ZC3H8: variants seen among roughly 807,000 people sequenced by gnomAD.
ZC3H8 encodes the protein zinc finger CCCH domain-containing protein 8.
ZC3H8 carries 27 observed loss-of-function variants against 42.5 expected under a neutral mutation model. The ratio of observed to expected loss-of-function variants is 0.64; its 90% confidence interval spans 0.47 to 0.88. ZC3H8 has a LOEUF of 0.88. Ranked by LOEUF, ZC3H8 falls within the 40% of genes least tolerant of loss-of-function variation. The probability of loss-of-function intolerance (pLI) is 0.00; values close to 1 mark genes in which losing one functional copy is unlikely to be tolerated. For missense variants in ZC3H8, 277 were observed against 336.1 expected (o/e 0.82, Z 1.37); for synonymous variants, 101 against 110.1 (o/e 0.92, Z 0.52).
chr2:112,247,790 T>C (rs1049521478), intron 2 of ZC3H8, among the ~76,000 whole-genome samples: 3 of 152,162 alleles, frequency 2.0e-5, no homozygotes, highest in Non-Finnish European at 4.4e-5. Flanking sequence ...GGTTATAATA[T>C]ATAATACGAA....
At position 112,239,332 on chromosome 2, in the gene ZC3H8, T is replaced by A. The variant is rs192500938; in HGVS notation, c.157-804A>T. ...CATTATAATTAGTATGTATGACACA[T>A]TTTAATCAGAAAGTTTATTTTTAAA... On this transcript the variant is annotated intron_variant, in intron 2 of 8. Transcript: ENST00000409573. Among the ~76,000 whole-genome samples the A allele has an allele frequency of 2.0e-5, 3 of 152,316 alleles. No individual in the cohort carries two copies. In the East Asian group the frequency reaches 5.8e-4, roughly 29 times the overall value.
chr2:112,232,116 C>T (rs531909757), intron 6 of ZC3H8, among the ~76,000 whole-genome samples, 169 bp from the exon 7 acceptor site: 24 of 152,040 alleles, frequency 1.6e-4, no homozygotes, highest in Non-Finnish European at 2.6e-4. Flanking sequence ...TCAAGACCAA[C>T]CTAGCCAACA....
rs930590061 is a variant in ZC3H8 at position 112,216,433 on chromosome 2, T to G, written c.*51A>C. ...AGTCTTGAACAGTCTTGAACACGCA[T>G]GGGCGTTAAAGTACTCTTTATCTGT... On this transcript the variant is annotated 3_prime_UTR_variant, in exon 9 of 9. Transcript: ENST00000409573. The G allele has an allele frequency of 2.0e-5, 3 of 152,244 alleles. No homozygotes were observed. The highest frequency in any genetic ancestry group is 4.8e-5 in the African/African-American group (2 of 41,462). The allele number at this position is 152,244 out of a possible 1,614,324, so 9.4% of individuals were successfully genotyped here. A position where few individuals can be genotyped will look rare whatever the true frequency, so the allele number is the denominator to read the frequency against.
chr2:112,230,655 G>A (rs894395332), intron 8 of ZC3H8: 5 of 197,636 alleles, frequency 2.5e-5, no homozygotes, highest in Non-Finnish European at 5.1e-5. Context: ...TGAATTATAC[G>A]TATTTGGTAA....
At position 112,254,897 on chromosome 2, in the gene ZC3H8, T is replaced by G; in HGVS notation, c.74+11A>C. 1.2e-6 allele frequency: 2 copies of G among 1,613,044 alleles called. No homozygotes were observed. The highest frequency in any genetic ancestry group is 2.2e-5 in the East Asian group (1 of 44,866). On this transcript the variant is annotated intron_variant, in intron 1 of 8. Coordinates refer to ENST00000409573, the MANE Select transcript of ZC3H8 (RefSeq NM_032494.3). Reference sequence around the variant, plus strand: ...CCCCTGCATTCAAAAGATGAAAAGATATGGGATCACCTTTCGTCAGAGTCC... The same window carrying G: ...CCCCTGCATTCAAAAGATGAAAAGAGATGGGATCACCTTTCGTCAGAGTCC...
chr2:112,244,555 C>CA (rs1347476162), intron 2 of ZC3H8, among the ~76,000 whole-genome samples: 1 of 152,180 alleles, frequency 6.6e-6, no homozygotes, highest in African/African-American at 2.4e-5. Context: ...CTGTGTGTCA[C>CA]AAATAACACA....
intron 3 of ZC3H8, 131 bp downstream of exon 3, chr2:112,238,184 G>A: frequency 1.1e-6 from 1 of 939,760 alleles, no homozygotes. Flanking sequence ...GCTCATGTCT[G>A]GTATAAATAT....
Position 112,213,386 on chromosome 2 carries a change from A to C in ZC3H8, c.*3098T>G, listed in dbSNP as rs1312763143. The C allele has an allele frequency of 1.3e-5, 2 of 152,050 alleles. No homozygotes were observed. 9.4% of individuals were successfully genotyped at this position (152,050 alleles called of 1,614,324 possible). A position where few individuals can be genotyped will look rare whatever the true frequency, so the allele number is the denominator to read the frequency against. On this transcript the variant is annotated 3_prime_UTR_variant, in exon 9 of 9. Transcript: ENST00000409573. ...TATTAAAACAGGGGACAGTCATTTA[A>C]CATCTCGGGGTCTGAATTCCTAAAG...
chr2:112,222,682 C>A (rs960927043), intron 8 of ZC3H8, among the ~76,000 whole-genome samples: 1 of 152,066 alleles, frequency 6.6e-6, no homozygotes, highest in Non-Finnish European at 1.5e-5. Flanking sequence ...AAAGGACATA[C>A]TGTATGATTT....
rs181684872 is a variant in ZC3H8, at chr2:112,215,984, C to A, written c.*500G>T. ...TCATAGAACCATAATTTATTTTAAGCCCTAAAATGAAATTGTGAACCATTA... is the reference window on the plus strand; with the variant it reads ...TCATAGAACCATAATTTATTTTAAGACCTAAAATGAAATTGTGAACCATTA... On this transcript the variant is annotated 3_prime_UTR_variant, in exon 9 of 9. Transcript: ENST00000409573. 6.1e-4 allele frequency: 93 copies of A among 152,124 alleles called. No individual in the cohort carries two copies. The East Asian group carries it at 0.012, about 19-fold the overall frequency. The allele number at this position is 152,124 out of a possible 1,614,324, so 9.4% of individuals were successfully genotyped here.
Position 112,238,504 on chromosome 2 carries a change from T to C in ZC3H8, c.181A>G (p.Lys61Glu), listed in dbSNP as rs753060259. The C allele has an allele frequency of 1.9e-6, 3 of 1,611,064 alleles. No homozygotes were observed. Among genetic ancestry groups the C allele is most frequent in the African/African-American group, 1.3e-5 (1 of 75,010 alleles). ...KKFRHSAISP[K>E]SSLHRKSRSK... Reference sequence around the variant, plus strand: ...CTTGATTTTCTATGCAGCGAACTTTTTGGTGATATTGCAGAGTGTCTAAAC... The same window carrying C: ...CTTGATTTTCTATGCAGCGAACTTTCTGGTGATATTGCAGAGTGTCTAAAC... Residue 61 changes from lysine to glutamate, a missense_variant, in exon 3 of 9, where the codon AAA (lysine) becomes GAA (glutamate). Physicochemically the swap from Lys to Glu is moderately conservative, Grantham distance 56 (BLOSUM62 1). Coordinates refer to ENST00000409573, the MANE Select transcript of ZC3H8 (RefSeq NM_032494.3).
chr2:112,249,324 A>G (rs1328226088), intron 2 of ZC3H8, among the ~76,000 whole-genome samples: 1 of 152,240 alleles, frequency 6.6e-6, no homozygotes, highest in Non-Finnish European at 1.5e-5. Context: ...ATCAGGAGCT[A>G]GGGGAGATGA....
chr2:112,226,777 T>G (rs1051930362), intron 8 of ZC3H8, among the ~76,000 whole-genome samples: 1 of 151,928 alleles, frequency 6.6e-6, no homozygotes, highest in African/African-American at 2.4e-5. Context: ...AAGCTACACA[T>G]GAATATCCCT....
At chr2:112,233,157 T>C in intron 6 of ZC3H8, 103 bp downstream of exon 6, 1 of 676,062 alleles carries the variant, frequency 1.5e-6, no homozygotes, top group Non-Finnish European at 2.4e-6. Context: ...TTGGATAATA[T>C]CATTTTGGTA....
chr2:112,232,695 A>G (rs1685150010), intron 6 of ZC3H8, among the ~76,000 whole-genome samples: 1 of 152,242 alleles, frequency 6.6e-6, no homozygotes, highest in Admixed American at 6.5e-5. Flanking sequence ...TAGGAAAACA[A>G]TCCTCAAATT....
chr2:112,229,102 A>T (rs1282438320), intron 8 of ZC3H8, among the ~76,000 whole-genome samples: 5 of 152,206 alleles, frequency 3.3e-5, no homozygotes, highest in Admixed American at 3.3e-4. Context: ...ACAAATGGAG[A>T]AGAACTGACA....
At chr2:112,228,443 A>T (rs372334332) in intron 8 of ZC3H8, among the ~76,000 whole-genome samples, 2 of 151,852 alleles carry the variant, frequency 1.3e-5, no homozygotes, top group Admixed American at 6.6e-5. Context: ...CAGAGGTTGC[A>T]GTGAGCCGAG....
rs547739748 is a variant in ZC3H8, at chr2:112,239,696, TGCCTCA to T, written c.157-1174_157-1169del. Among the ~76,000 whole-genome samples, 192 of 150,536 alleles carry T rather than the reference TGCCTCA, an allele frequency of 1.3e-3. 2 individuals carry two copies. In the South Asian group the frequency reaches 0.016, roughly 13 times the overall value. On this transcript the variant is annotated intron_variant, in intron 2 of 8. Transcript: ENST00000409573. The stretch of plus-strand genomic sequence containing the variant: ...GCCTCCCAGGCTCAAGCGATTCCCT[TGCCTCA>T]GCCTCCCGAGTAGCTGGGACTACAG...
intron 8 of ZC3H8, among the ~76,000 whole-genome samples, chr2:112,226,024 G>A: frequency 6.6e-6 from 1 of 152,032 alleles, no homozygotes; most frequent in East Asian, 1.9e-4. Flanking sequence ...AGAGGTTGCA[G>A]TGAGTTGAGA....
Sources: allele counts gnomAD v4.1 joint callset (sites outside exome capture counted in the v4.1 genomes callset), GRCh38; gene constraint gnomAD v4.1.1; transcripts MANE v1.5; gene names NCBI Gene and HGNC (gene_info 2026-07-23, HGNC 2026-07-21).